PRKAG2: variants seen among roughly 807,000 people sequenced by gnomAD.
The protein encoded by PRKAG2 is protein kinase AMP-activated non-catalytic subunit gamma 2.
PRKAG2 carries 26 observed loss-of-function variants against 69.6 expected under a neutral mutation model. That is an observed-to-expected ratio of 0.37 (90% CI 0.27 to 0.52). The LOEUF (loss-of-function observed/expected upper bound fraction) is 0.52. Ranked by LOEUF, PRKAG2 falls within the 20% of genes least tolerant of loss-of-function variation. PRKAG2 has a pLI of 0.90. For synonymous variants in PRKAG2, 293 were observed against 285.0 expected, an observed-to-expected ratio of 1.03 and a Z score of -0.28; for missense variants, 557 against 740.0, an observed-to-expected ratio of 0.75 and a Z score of 2.87.
rs2302529 is a variant in PRKAG2 at position 151,570,489 on chromosome 7, G to T, written c.1052-264C>A. ...TGACAGTAAGTGTTTATAAAATCAG[G>T]AAAAACAAAGAAATCTGATAAAAGA... On this transcript the variant is annotated intron_variant, in intron 9 of 15. Coordinates refer to ENST00000287878, the MANE Select transcript of PRKAG2 (RefSeq NM_016203.4). Among the ~76,000 whole-genome samples, 29,708 of 151,944 alleles carry T rather than the reference G, an allele frequency of 0.2. 3,744 individuals carry two copies. The highest frequency in any genetic ancestry group is 0.44 in the East Asian group (2,267 of 5,162).
intron 1 of PRKAG2, among the ~76,000 whole-genome samples, chr7:151,802,866 G>C (rs908673016): frequency 6.6e-6 from 1 of 151,636 alleles, no homozygotes; most frequent in African/African-American, 2.4e-5. Context: ...CCCCGTGCCA[G>C]CATTCCTCAA....
At chr7:151,866,679 T>C (rs901155329) in intron 1 of PRKAG2, among the ~76,000 whole-genome samples, 1 of 152,064 alleles carries the variant, frequency 6.6e-6, no homozygotes, top group Non-Finnish European at 1.5e-5. Context: ...GGGGCCCAGG[T>C]GATGTATGCT....
chr7:151,815,236 G>T (rs1056623137), intron 1 of PRKAG2, among the ~76,000 whole-genome samples: 1 of 152,126 alleles, frequency 6.6e-6, no homozygotes, highest in East Asian at 1.9e-4. Flanking sequence ...GAGACAACAT[G>T]GTCTCTGCCT....
At chr7:151,709,746 C>A (rs1839260824) in intron 3 of PRKAG2, among the ~76,000 whole-genome samples, 1 of 152,152 alleles carries the variant, frequency 6.6e-6, no homozygotes, top group South Asian at 2.1e-4. Flanking sequence ...AAGTGTGAGA[C>A]ATTGTGATAT....
At chr7:151,558,919 C>T (rs1384858729) in intron 15 of PRKAG2, 24 of 985,314 alleles carry the variant, frequency 2.4e-5, no homozygotes, top group Non-Finnish European at 2.9e-5. Context: ...GGATGAATCG[C>T]TTGACTTGTT....
At chr7:151,812,833 T>TA (rs142096055) in intron 1 of PRKAG2, among the ~76,000 whole-genome samples, 8,135 of 152,196 alleles carry the variant, frequency 0.053, 763 homozygotes, top group African/African-American at 0.19. Context: ...CAAAGAAGAT[T>TA]AAATATTTTA....
At chr7:151,734,859 T>TA (rs1410632351) in intron 3 of PRKAG2, among the ~76,000 whole-genome samples, 3 of 142,350 alleles carry the variant, frequency 2.1e-5, no homozygotes, top group African/African-American at 8.0e-5. Flanking sequence ...TTTTTTTTTT[T>TA]TTTTTTTTTT....
intron 4 of PRKAG2, among the ~76,000 whole-genome samples, chr7:151,643,361 G>C (rs891666270): frequency 6.6e-6 from 1 of 152,204 alleles, no homozygotes; most frequent in East Asian, 1.9e-4. Flanking sequence ...AGTGTCACAA[G>C]GCAGTCTCTG....
intron 6 of PRKAG2, among the ~76,000 whole-genome samples, chr7:151,593,568 G>A (rs891530872): frequency 6.6e-6 from 1 of 152,148 alleles, no homozygotes; most frequent in African/African-American, 2.4e-5. Context: ...TAAACCTTCT[G>A]GGGGATGGGC....
At position 151,557,121 on chromosome 7, in the gene PRKAG2, G is replaced by T; in HGVS notation, c.*80C>A. On this transcript the variant is annotated 3_prime_UTR_variant, in exon 16 of 16. Coordinates refer to ENST00000287878, the MANE Select transcript of PRKAG2 (RefSeq NM_016203.4). Reference sequence around the variant, plus strand: ...CCCTGATATACATTCTTAACCACTTGCAGCCAGTGTTCATGAGGCAAAACG... The same window carrying T: ...CCCTGATATACATTCTTAACCACTTTCAGCCAGTGTTCATGAGGCAAAACG... The T allele has an allele frequency of 3.1e-6, 5 of 1,599,274 alleles. No homozygotes were observed. The highest frequency in any genetic ancestry group is 3.4e-6 in the Non-Finnish European group (4 of 1,166,672).
chr7:151,671,553 C>G (rs904385995), intron 4 of PRKAG2, among the ~76,000 whole-genome samples: 2 of 152,244 alleles, frequency 1.3e-5, no homozygotes, highest in Non-Finnish European at 2.9e-5. Context: ...GATATGTTCT[C>G]TGCATGCCAA....
At chr7:151,651,422 CAT>C (rs887221677) in intron 4 of PRKAG2, among the ~76,000 whole-genome samples, 5 of 152,090 alleles carry the variant, frequency 3.3e-5, no homozygotes, top group African/African-American at 9.7e-5. Context: ...TCCTGGCCAA[CAT>C]AGTGAAACCC....
chr7:151,735,942 G>C (rs1373282143), intron 3 of PRKAG2: 3 of 1,536,344 alleles, frequency 2.0e-6, no homozygotes, highest in Non-Finnish European at 2.6e-6. Context: ...TCCGTGCTTC[G>C]ATTTTGGTCC....
intron 4 of PRKAG2, among the ~76,000 whole-genome samples, chr7:151,657,791 A>G (rs1304816593): frequency 2.0e-5 from 3 of 152,330 alleles, no homozygotes; most frequent in East Asian, 3.9e-4. Context: ...AGCTCCATCT[A>G]CTTTGAGAAG....
intron 1 of PRKAG2, among the ~76,000 whole-genome samples, chr7:151,856,534 G>A (rs919166101): frequency 8.5e-5 from 13 of 152,340 alleles, no homozygotes; most frequent in African/African-American, 1.2e-4. Context: ...TGGCCTCGCC[G>A]TGGCCCTTAG....
chr7:151,683,904 C>A (rs1200771651), intron 3 of PRKAG2, among the ~76,000 whole-genome samples: 1 of 152,180 alleles, frequency 6.6e-6, no homozygotes, highest in Admixed American at 6.5e-5. Flanking sequence ...CTGCTTAGGA[C>A]TCTGTTTTCT....
chr7:151,740,760 G>C (rs1332448371), intron 3 of PRKAG2, among the ~76,000 whole-genome samples: 1 of 152,230 alleles, frequency 6.6e-6, no homozygotes, highest in African/African-American at 2.4e-5. Flanking sequence ...GCCCTGCCCG[G>C]AGAAGGGGAA....
At chr7:151,735,591 T>TA (rs77142721) in intron 3 of PRKAG2, among the ~76,000 whole-genome samples, 55,628 of 152,064 alleles carry the variant, frequency 0.37, 11,187 homozygotes, top group Non-Finnish European at 0.45. Context: ...CATCCACTCT[T>TA]ACTTTTCCCC....
At chr7:151,766,986 T>C (rs773026898) in intron 3 of PRKAG2, among the ~76,000 whole-genome samples, 1 of 152,154 alleles carries the variant, frequency 6.6e-6, no homozygotes, top group Non-Finnish European at 1.5e-5. Flanking sequence ...AGTAGGGTCA[T>C]TGAAGATGTG....
Sources: allele counts gnomAD v4.1 joint callset (sites outside exome capture counted in the v4.1 genomes callset), GRCh38; gene constraint gnomAD v4.1.1; transcripts MANE v1.5; gene names NCBI Gene and HGNC (gene_info 2026-07-23, HGNC 2026-07-21).